VPS13C: variants seen among roughly 807,000 people sequenced by gnomAD.
The protein encoded by VPS13C is vacuolar protein sorting 13 homolog C.
Under a neutral mutation model 456.8 loss-of-function variants are expected in VPS13C, and 358 were observed. That is an observed-to-expected ratio of 0.78 (90% CI 0.72 to 0.86). The LOEUF is 0.86. Among genes scored for constraint, VPS13C ranks in the 40% least tolerant of loss-of-function variants. The pLI is 0.00. For synonymous variants in VPS13C, 1,578 were observed against 1,486.7 expected, an observed-to-expected ratio of 1.06 and a Z score of -1.41; for missense variants, 4,818 against 4,385.4, an observed-to-expected ratio of 1.10 and a Z score of -2.79.
chr15:61,891,710 T>TA, intron 66 of VPS13C, among the ~76,000 whole-genome samples: 1 of 152,356 alleles, frequency 6.6e-6, no homozygotes, highest in South Asian at 2.1e-4. Flanking sequence ...TTCTGTGTCA[T>TA]ATTATCATTA....
intron 81 of VPS13C, chr15:61,863,791 C>T: frequency 3.5e-6 from 1 of 284,382 alleles, no homozygotes; most frequent in Non-Finnish European, 6.6e-6. Flanking sequence ...TCTGTAGTAA[C>T]TTAGAAATAT....
chr15:61,929,195 A>G (rs1445898480), intron 51 of VPS13C, among the ~76,000 whole-genome samples: 1 of 152,162 alleles, frequency 6.6e-6, no homozygotes, highest in Non-Finnish European at 1.5e-5. Flanking sequence ...TTCTTTGAAT[A>G]AGATACCCCA....
intron 25 of VPS13C, among the ~76,000 whole-genome samples, chr15:61,974,038 T>C (rs559723479): frequency 1.3e-5 from 2 of 152,280 alleles, no homozygotes; most frequent in African/African-American, 4.8e-5. Flanking sequence ...TAAAGTGATC[T>C]AGAACTTATA....
chr15:62,036,054 T>C (rs1349330925), intron 3 of VPS13C, among the ~76,000 whole-genome samples: 1 of 152,052 alleles, frequency 6.6e-6, no homozygotes, highest in Admixed American at 6.6e-5. Context: ...CCAATCTGCC[T>C]TACTACAGCA....
At position 61,930,149 on chromosome 15, in the gene VPS13C, C is replaced by T. The variant is rs369534145; in HGVS notation, c.6039-401G>A. ...TTTTAATATTATTTATGAAATAAAA[C>T]CTCCCTGAAGGAATTTATCTTCAAA... is the stretch of plus-strand genomic sequence containing the variant. On this transcript the variant is annotated intron_variant, in intron 50 of 84. Transcript: ENST00000644861. 1.1e-4 allele frequency among the ~76,000 whole-genome samples: 16 copies of T among 152,204 alleles called. No homozygotes were observed. In the South Asian group the frequency reaches 2.3e-3, roughly 22 times the overall value.
chr15:61,978,760 G>T lies in VPS13C; in HGVS notation c.2167-11C>A. 6.4e-7 allele frequency: 1 copy of T among 1,565,326 alleles called. No homozygotes were observed. Among genetic ancestry groups the T allele is most frequent in the South Asian group, 1.2e-5 (1 of 82,114 alleles). On this transcript the variant is annotated splice_polypyrimidine_tract_variant and intron_variant, in intron 22 of 84. Transcript: ENST00000644861. ...ATCTTTACTGTTGAGCTAAAATGAA[G>T]GACAAATTTCAATTTTTTTTTCCAA...
intron 81 of VPS13C, chr15:61,864,512 AT>A: frequency 1.2e-6 from 1 of 865,234 alleles, no homozygotes; most frequent in Non-Finnish European, 1.4e-6. Context: ...AGACCTTGAC[AT>A]TTTACGACCA....
intron 9 of VPS13C, among the ~76,000 whole-genome samples, chr15:62,019,961 T>TAC (rs998714018): frequency 6.8e-6 from 1 of 146,284 alleles, no homozygotes; most frequent in Non-Finnish European, 1.5e-5. Context: ...TATATATATA[T>TAC]ACATATATAT....
intron 16 of VPS13C, among the ~76,000 whole-genome samples, 187 bp from the exon 17 acceptor site, chr15:61,991,989 A>C (rs1167349633): frequency 1.3e-5 from 2 of 151,956 alleles, no homozygotes; most frequent in African/African-American, 4.8e-5. Flanking sequence ...TAGTTTATTA[A>C]TACTTCTCAC....
intron 4 of VPS13C, among the ~76,000 whole-genome samples, chr15:62,034,513 T>A (rs1477516764): frequency 5.9e-5 from 9 of 151,544 alleles, no homozygotes; most frequent in South Asian, 4.2e-4. Flanking sequence ...AAGGAAAAAA[T>A]TACCAATTAT....
chr15:61,909,082 G>C lies in VPS13C; in HGVS notation c.8888C>G (p.Thr2963Ser), dbSNP rs537806661. 2 of 1,613,662 alleles carry C rather than the reference G, an allele frequency of 1.2e-6. No individual in the cohort carries two copies. Among genetic ancestry groups the C allele is most frequent in the South Asian group, 2.2e-5 (2 of 91,050 alleles). Reference protein sequence around the residue: ...LVDVNTAEHSTVITFSDYHEG... With the variant: ...LVDVNTAEHSSVITFSDYHEG... ...ATGGTAATCAGAAAAAGTTATGACA[G>C]TTGAATGTTCGGCAGTGTTTACATC... is the stretch of plus-strand genomic sequence containing the variant. Residue 2963 changes from threonine (T) to serine (S), a missense_variant, in exon 65 of 85, where the codon ACT becomes AGT. Thr to Ser is a moderately conservative substitution (Grantham distance 58). Coordinates refer to ENST00000644861, the MANE Select transcript of VPS13C (RefSeq NM_020821.3).
chr15:61,897,560 T>C (rs1048608403), intron 66 of VPS13C, among the ~76,000 whole-genome samples: 1 of 151,412 alleles, frequency 6.6e-6, no homozygotes, highest in Non-Finnish European at 1.5e-5. Context: ...GAAAAAAGAG[T>C]AAAAAGAAAT....
intron 53 of VPS13C, among the ~76,000 whole-genome samples, chr15:61,923,310 T>C (rs1021826294): frequency 1.3e-5 from 2 of 152,128 alleles, no homozygotes; most frequent in Non-Finnish European, 2.9e-5. Flanking sequence ...CTATAAATCC[T>C]ACCTCTTATT....
At chr15:61,967,180 T>C (rs1567056021) in intron 29 of VPS13C, among the ~76,000 whole-genome samples, 188 bp downstream of exon 29, 2 of 151,984 alleles carry the variant, frequency 1.3e-5, no homozygotes, top group East Asian at 1.9e-4. Flanking sequence ...TTAGTGACTT[T>C]GTATAATAAT....
At chr15:61,966,295 C>G (rs932547423) in intron 29 of VPS13C, among the ~76,000 whole-genome samples, 153 bp from the exon 30 acceptor site, 1 of 151,486 alleles carries the variant, frequency 6.6e-6, no homozygotes. Context: ...AATTTACATC[C>G]AAATAATGTA....
chr15:61,901,224 C>T (rs1304823891), intron 66 of VPS13C, among the ~76,000 whole-genome samples: 2 of 151,984 alleles, frequency 1.3e-5, no homozygotes, highest in African/African-American at 4.8e-5. Flanking sequence ...TCCAAAACAC[C>T]AAAAGCAATG....
chr15:61,867,002 A>T lies in VPS13C; in HGVS notation c.10863+1657T>A. 1 of 952,896 alleles carries T rather than the reference A, an allele frequency of 1.0e-6. No individual in the cohort carries two copies. The highest frequency in any genetic ancestry group is 1.2e-6 in the Non-Finnish European group (1 of 800,274). The allele number at this position is 952,896 out of a possible 1,614,324, so 59.0% of individuals were successfully genotyped here. Reference sequence around the variant, plus strand: ...TATTACAAAAAAAAGAAATTGAAACATAACTTATGTTGAGAATTAAGAGGA... The same window carrying T: ...TATTACAAAAAAAAGAAATTGAAACTTAACTTATGTTGAGAATTAAGAGGA... On this transcript the variant is annotated intron_variant, in intron 81 of 84. Transcript: ENST00000644861. The surrounding 1 kb of genome is among the most constrained non-coding windows in gnomAD (Gnocchi z 5.0).
intron 45 of VPS13C, 63 bp from the exon 46 acceptor site, chr15:61,942,130 A>C: frequency 5.0e-6 from 7 of 1,412,684 alleles, no homozygotes; most frequent in Non-Finnish European, 5.7e-6. Context: ...AAAAACTTTA[A>C]AAAGCATTTA....
chr15:61,965,234 CCA>C (rs1322341822), intron 30 of VPS13C, among the ~76,000 whole-genome samples: 1 of 151,830 alleles, frequency 6.6e-6, no homozygotes, highest in Non-Finnish European at 1.5e-5. Context: ...AATCCCAGAA[CCA>C]CCATGTGCTA....
Sources: allele counts gnomAD v4.1 joint callset (sites outside exome capture counted in the v4.1 genomes callset), GRCh38; gene constraint gnomAD v4.1.1; non-coding constraint Gnocchi (gnomAD v3.1); transcripts MANE v1.5; gene names NCBI Gene and HGNC (gene_info 2026-07-23, HGNC 2026-07-21).